TUBD1: variants seen among roughly 807,000 people sequenced by gnomAD.
TUBD1 encodes the protein tubulin delta chain.
Under a neutral mutation model 51.2 loss-of-function variants are expected in TUBD1, and 38 were observed. That is an observed-to-expected ratio of 0.74 (90% confidence interval 0.57 to 0.97). The LOEUF (loss-of-function observed/expected upper bound fraction) is 0.97. TUBD1 is among the 50% of genes least tolerant of loss of function. TUBD1 has a pLI of 0.00. For missense variants in TUBD1, 489 were observed against 538.4 expected (o/e 0.91, Z 0.91); for synonymous variants, 169 against 178.2 (o/e 0.95, Z 0.41).
In TUBD1 at chr17:59,860,428, G is replaced by GAA; in HGVS notation, c.1260-5_1260-4insTT. On this transcript the variant is annotated splice_region_variant and splice_polypyrimidine_tract_variant and intron_variant, in intron 8 of 8. Transcript: ENST00000325752. ...TGTGTACTGATGAATGTAGGCTCTG[G>GAA]TAGAAAAAAAAAAAAAACAGAAATT... The GAA allele has an allele frequency of 7.6e-7, 1 of 1,315,466 alleles. No individual in the cohort carries two copies. The allele number at this position is 1,315,466 out of a possible 1,614,324, so 81.5% of individuals were successfully genotyped here. A position where few individuals can be genotyped will look rare whatever the true frequency, so the allele number is the denominator to read the frequency against.
intron 6 of TUBD1, among the ~76,000 whole-genome samples, chr17:59,873,229 G>A (rs2040076154): frequency 6.9e-6 from 1 of 145,928 alleles, no homozygotes; most frequent in African/African-American, 2.6e-5. Context: ...ATTCATACCA[G>A]ACATTACTTA....
chr17:59,876,652 C>T (rs903124468), intron 5 of TUBD1, among the ~76,000 whole-genome samples: 43 of 151,618 alleles, frequency 2.8e-4, no homozygotes, highest in African/African-American at 8.7e-4. Flanking sequence ...CCACCACACC[C>T]GGCCACTTTT....
chr17:59,873,917 C>T (rs1436925488), intron 6 of TUBD1, among the ~76,000 whole-genome samples: 1 of 151,530 alleles, frequency 6.6e-6, no homozygotes, highest in Non-Finnish European at 1.5e-5. Context: ...TGGCCGGGCA[C>T]GGTGGCTCAC....
intron 7 of TUBD1, among the ~76,000 whole-genome samples, chr17:59,866,304 G>A (rs2039698396): frequency 6.6e-6 from 1 of 150,740 alleles, no homozygotes; most frequent in African/African-American, 2.4e-5. Context: ...CCATAATGAT[G>A]GCTCACTGCA....
At chr17:59,888,932 G>C (rs762461311) in intron 2 of TUBD1, among the ~76,000 whole-genome samples, 1 of 142,582 alleles carries the variant, frequency 7.0e-6, no homozygotes, top group Non-Finnish European at 1.5e-5. Context: ...GGCTGGTCTC[G>C]AACTCCTGAC....
At position 59,880,538 on chromosome 17, in the gene TUBD1, G is replaced by A. The variant is rs547163111; in HGVS notation, c.537+356C>T. ...TTATTTATTTATTTTTTTTTGAGAC[G>A]GAGTCTTGCTCTATTGCCCAGGCTG... is the stretch of plus-strand genomic sequence containing the variant. On this transcript the variant is annotated intron_variant, in intron 4 of 8. Coordinates refer to ENST00000325752, the MANE Select transcript of TUBD1 (RefSeq NM_016261.4). Among the ~76,000 whole-genome samples the A allele has an allele frequency of 1.6e-4, 25 of 151,566 alleles. No homozygotes were observed. The South Asian group carries it at 2.9e-3, about 18-fold the overall frequency.
intron 2 of TUBD1, among the ~76,000 whole-genome samples, chr17:59,890,277 C>T (rs772167162): frequency 2.6e-5 from 4 of 152,102 alleles, no homozygotes; most frequent in Non-Finnish European, 5.9e-5. Flanking sequence ...TGGAGTCTCG[C>T]TCTGTCACCA....
At chr17:59,867,626 T>A (rs555548838) in intron 6 of TUBD1, among the ~76,000 whole-genome samples, 1 of 152,188 alleles carries the variant, frequency 6.6e-6, no homozygotes, top group East Asian at 1.9e-4. Flanking sequence ...AGGTCGAGGC[T>A]ACAGTGAGCC....
intron 3 of TUBD1, chr17:59,885,655 A>AAAAACAAAAC (rs984761405): frequency 8.8e-6 from 6 of 679,126 alleles, no homozygotes; most frequent in African/African-American, 1.8e-5. Flanking sequence ...CTGTGGTTAA[A>AAAAACAAAAC]AAAACAAAAC....
At chr17:59,892,129 T>C (rs1296633322) in intron 1 of TUBD1, among the ~76,000 whole-genome samples, 3 of 152,352 alleles carry the variant, frequency 2.0e-5, no homozygotes, top group South Asian at 4.1e-4. Flanking sequence ...CTCTTCTAAA[T>C]AATAGCTTAC....
chr17:59,887,117 T>C (rs1375169961), intron 2 of TUBD1, among the ~76,000 whole-genome samples: 2 of 150,274 alleles, frequency 1.3e-5, no homozygotes, highest in Non-Finnish European at 3.0e-5. Flanking sequence ...TCCCGGGAGG[T>C]GGAGGTTGCA....
intron 8 of TUBD1, among the ~76,000 whole-genome samples, chr17:59,861,547 T>C (rs1201646043): frequency 6.6e-6 from 1 of 152,018 alleles, no homozygotes; most frequent in Non-Finnish European, 1.5e-5. Flanking sequence ...AAAAAGAATA[T>C]CAAGGGCAGA....
chr17:59,889,967 CAAAAAAAAAAA>C (rs35427875), intron 2 of TUBD1, among the ~76,000 whole-genome samples: 1 of 69,390 alleles, frequency 1.4e-5, no homozygotes, highest in East Asian at 4.9e-4. Flanking sequence ...GAGACTCTCT[CAAAAAAAAAAA>C]AAAAAAAAAG....
Position 59,870,372 on chromosome 17 carries a change from C to CAAAAAAA in TUBD1, c.935-3630_935-3624dup, listed in dbSNP as rs530315478. On this transcript the variant is annotated intron_variant, in intron 6 of 8. Coordinates refer to ENST00000325752, the MANE Select transcript of TUBD1 (RefSeq NM_016261.4). ...GGCGACAGAGTGTGACTCCATCTCACAAAAAAAAAAAAAAAAAAAAAAAAA... is the reference window on the plus strand; with the variant it reads ...GGCGACAGAGTGTGACTCCATCTCACAAAAAAAAAAAAAAAAAAAAAAAAAAAAAAAA... Among the ~76,000 whole-genome samples the CAAAAAAA allele has an allele frequency of 6.3e-4, 49 of 77,932 alleles. 1 individual carries two copies. The highest frequency in any genetic ancestry group is 7.1e-3 in the Middle Eastern group (1 of 140). The allele number at this position is 77,932 out of a possible 152,430, so 51.1% of individuals were successfully genotyped here.
At chr17:59,878,593 T>C (rs1292016047) in intron 4 of TUBD1, 5 of 353,216 alleles carry the variant, frequency 1.4e-5, no homozygotes, top group Admixed American at 4.5e-5. Context: ...GAGATTCTTG[T>C]GTCTCAGCCC....
At chr17:59,881,333 G>A (rs925984386) in intron 3 of TUBD1, among the ~76,000 whole-genome samples, 5 of 152,182 alleles carry the variant, frequency 3.3e-5, no homozygotes, top group African/African-American at 1.2e-4. Flanking sequence ...CGCTAAGCAT[G>A]TGGGAGTTAT....
Position 59,891,037 on chromosome 17 carries a change from AC to A in TUBD1, c.-36del, listed in dbSNP as rs143803908. 0.08 allele frequency: 125,037 copies of A among 1,561,804 alleles called. 5,645 individuals are homozygous for A. The highest frequency in any genetic ancestry group is 0.2 in the Middle Eastern group (1,167 of 5,872). On this transcript the variant is annotated 5_prime_UTR_variant, in exon 2 of 9. The change creates a premature stop within an existing upstream ORF in the 5' untranslated region. Transcript: ENST00000325752. The stretch of plus-strand genomic sequence containing the variant: ...CAAACTAGGTGTATTACCTCTAAAA[AC>A]AACCTGTAATCGAAAAAAATACGCT...
chr17:59,872,602 C>G (rs1347236532), intron 6 of TUBD1, among the ~76,000 whole-genome samples: 2 of 151,716 alleles, frequency 1.3e-5, no homozygotes, highest in African/African-American at 4.8e-5. Flanking sequence ...ATCTAACTCC[C>G]AAGTATGTTA....
chr17:59,874,819 C>G (rs937350642), intron 5 of TUBD1, 116 bp from the exon 6 acceptor site: 4 of 763,138 alleles, frequency 5.2e-6, no homozygotes, highest in Non-Finnish European at 6.3e-6. Flanking sequence ...TCTTCTCAGA[C>G]CAGAATTATT....
Sources: gnomAD v4.1 joint callset for allele counts (sites outside exome capture counted in the v4.1 genomes callset) on GRCh38, gnomAD v4.1.1 for gene constraint, MANE v1.5 for transcripts, NCBI Gene and HGNC (gene_info 2026-07-23, HGNC 2026-07-21) for gene names.